The following CYB5R4 variants were observed in gnomAD, a reference collection of about 807,000 sequenced individuals.
CYB5R4 encodes N-terminal cytochrome b5 and cytochrome b5 oxidoreductase domain-containing protein.
In CYB5R4, 55 loss-of-function variants were observed where a neutral mutation model predicts 70.2. The ratio of observed to expected loss-of-function variants is 0.78; its 90% CI spans 0.63 to 0.98. The LOEUF (loss-of-function observed/expected upper bound fraction) is 0.98, where lower values mean the gene tolerates loss of function less well. Ranked by LOEUF, CYB5R4 falls within the 50% of genes least tolerant of loss-of-function variation. CYB5R4 has a pLI of 0.00. For missense variants in CYB5R4, 562 were observed against 612.6 expected, an observed-to-expected ratio of 0.92 and a Z score of 0.87; for synonymous variants, 197 against 199.5, an observed-to-expected ratio of 0.99 and a Z score of 0.11.
intron 14 of CYB5R4, among the ~76,000 whole-genome samples, chr6:83,946,623 G>A: frequency 6.6e-6 from 1 of 152,166 alleles, no homozygotes; most frequent in East Asian, 1.9e-4. Flanking sequence ...AAAAGAGGAA[G>A]TCAAATTATC....
intron 1 of CYB5R4, among the ~76,000 whole-genome samples, chr6:83,860,299 G>A (rs1294396661): frequency 6.6e-6 from 1 of 152,102 alleles, no homozygotes; most frequent in Non-Finnish European, 1.5e-5. Flanking sequence ...TGGCAGTGGC[G>A]ACAGTGACCG....
Position 83,893,487 on chromosome 6 carries a change from C to A in CYB5R4, c.230-35C>A. The A allele has an allele frequency of 2.4e-6, 3 of 1,267,918 alleles. No homozygotes were observed. The South Asian group carries it at 3.8e-5, about 16-fold the overall frequency. The allele number at this position is 1,267,918 out of a possible 1,614,324, so 78.5% of individuals were successfully genotyped here. A position where few individuals can be genotyped will look rare whatever the true frequency, so the allele number is the denominator to read the frequency against. ...TAAGTTTTACAATTTTTGAGAAGTT[C>A]ATTTAGGATATTATTTCTGTTTGCT... is the stretch of plus-strand genomic sequence containing the variant. On this transcript the variant is annotated intron_variant, in intron 2 of 15. Coordinates refer to ENST00000369681, the MANE Select transcript of CYB5R4 (RefSeq NM_016230.4).
At position 83,959,893 on chromosome 6, in the gene CYB5R4, T is replaced by C; in HGVS notation, c.*15T>C. ...TTACAGCATAATGAAGAGCTGTCAT[T>C]GTCCTTTATTCAACTAGTTTATCTA... On this transcript the variant is annotated 3_prime_UTR_variant, in exon 16 of 16. Coordinates refer to ENST00000369681, the MANE Select transcript of CYB5R4 (RefSeq NM_016230.4). 1.3e-6 allele frequency: 2 copies of C among 1,578,584 alleles called. No individual in the cohort carries two copies. The highest frequency in any genetic ancestry group is 1.7e-6 in the Non-Finnish European group (2 of 1,163,030).
rs767595729 is a variant in CYB5R4 at position 83,864,177 on chromosome 6, A to G, written c.78A>G (p.Val26=). 1 of 1,551,282 alleles carries G rather than the reference A, an allele frequency of 6.4e-7. No homozygotes were observed. The highest frequency in any genetic ancestry group is 1.2e-5 in the South Asian group (1 of 81,092). The stretch of plus-strand genomic sequence containing the variant: ...ATTCTTCCTTTTTCCATTTTTAGGT[A>G]CCTTTAAAACAGGGCAGAAGCCTTA... ...QRVASGGRSK[V]PLKQGRSLMD... is the part of the protein sequence containing the mutation. The change falls in exon 2 of 16, where the codon GTA becomes GTG. Residue 26 remains valine, a splice_region_variant and synonymous_variant. Coordinates refer to ENST00000369681, the MANE Select transcript of CYB5R4 (RefSeq NM_016230.4).
intron 1 of CYB5R4, among the ~76,000 whole-genome samples, chr6:83,860,061 C>G (rs976713551): frequency 1.3e-5 from 2 of 152,156 alleles, no homozygotes; most frequent in Non-Finnish European, 2.9e-5. Context: ...CTAGCAGTCC[C>G]TCTTCTTTCT....
intron 2 of CYB5R4, among the ~76,000 whole-genome samples, chr6:83,888,308 T>G (rs1380782888): frequency 6.6e-6 from 1 of 152,188 alleles, no homozygotes; most frequent in African/African-American, 2.4e-5. Context: ...ATACCTTGTT[T>G]TATTGTGCTT....
chr6:83,951,204 T>C (rs1470056735), intron 14 of CYB5R4, among the ~76,000 whole-genome samples: 1 of 152,182 alleles, frequency 6.6e-6, no homozygotes. Flanking sequence ...CAATTCTCTG[T>C]TATTTGACAT....
At chr6:83,861,224 G>C (rs1184669343) in intron 1 of CYB5R4, among the ~76,000 whole-genome samples, 1 of 152,190 alleles carries the variant, frequency 6.6e-6, no homozygotes, top group African/African-American at 2.4e-5. Flanking sequence ...CACAGGGGGC[G>C]ATGGCAAAGG....
chr6:83,904,960 C>G (rs1379387848), intron 3 of CYB5R4, among the ~76,000 whole-genome samples: 1 of 150,668 alleles, frequency 6.6e-6, no homozygotes, highest in East Asian at 1.9e-4. Flanking sequence ...TATTTCCTTG[C>G]TTTTTCATGT....
At chr6:83,945,306 T>C (rs965198576) in intron 14 of CYB5R4, among the ~76,000 whole-genome samples, 1 of 152,192 alleles carries the variant, frequency 6.6e-6, no homozygotes, top group African/African-American at 2.4e-5. Context: ...CTGAACAACC[T>C]GCTCTTGAAT....
chr6:83,954,494 A>G (rs759464006), intron 14 of CYB5R4, among the ~76,000 whole-genome samples: 19 of 152,250 alleles, frequency 1.2e-4, no homozygotes, highest in Non-Finnish European at 2.2e-4. Context: ...TCACCTAGAC[A>G]ATGAACATAG....
chr6:83,863,130 A>G lies in CYB5R4; in HGVS notation c.76-1045A>G, dbSNP rs188660003. ...TACTAATAATACTTCTCGTCTGAAAACTTTGAAAATGTGTTTTATAAAACA... is the reference window on the plus strand; with the variant it reads ...TACTAATAATACTTCTCGTCTGAAAGCTTTGAAAATGTGTTTTATAAAACA... On this transcript the variant is annotated intron_variant, in intron 1 of 15. Transcript: ENST00000369681. Among the ~76,000 whole-genome samples, 16 of 152,312 alleles carry G rather than the reference A, an allele frequency of 1.1e-4. No homozygotes were observed. In the East Asian group the frequency reaches 3.1e-3, roughly 29 times the overall value.
rs2099473438 is a variant in CYB5R4 at position 83,962,109 on chromosome 6, C to T, written c.*2231C>T. 1 of 152,168 alleles carries T rather than the reference C, an allele frequency of 6.6e-6. No individual in the cohort carries two copies. The allele number at this position is 152,168 out of a possible 1,614,324, so 9.4% of individuals were successfully genotyped here. A position where few individuals can be genotyped will look rare whatever the true frequency, so the allele number is the denominator to read the frequency against. On this transcript the variant is annotated 3_prime_UTR_variant, in exon 16 of 16. Coordinates refer to ENST00000369681, the MANE Select transcript of CYB5R4 (RefSeq NM_016230.4). ...TACTTCCTGCATACCACCCCACCATCCACCTAGTAAGCCATTCTAGAACTA... is the reference window on the plus strand; with the variant it reads ...TACTTCCTGCATACCACCCCACCATTCACCTAGTAAGCCATTCTAGAACTA...
intron 4 of CYB5R4, chr6:83,910,335 A>T: frequency 1.7e-6 from 1 of 576,770 alleles, no homozygotes; most frequent in Non-Finnish European, 3.1e-6. Flanking sequence ...CTGATAGGGG[A>T]GAAGTAAGAC....
Position 83,859,736 on chromosome 6 carries a change from C to G in CYB5R4, c.-47C>G, listed in dbSNP as rs764605798. On this transcript the variant is annotated 5_prime_UTR_variant, in exon 1 of 16. Transcript: ENST00000369681. ...CAGAGCCGGAGCTGGAGGTGCTGTC[C>G]CGTCTGGCGGCGATCCCCGGGCAGG... 8 of 1,599,340 alleles carry G rather than the reference C, an allele frequency of 5.0e-6. No homozygotes were observed. Among genetic ancestry groups the G allele is most frequent in the Non-Finnish European group, 6.8e-6 (8 of 1,170,096 alleles).
At chr6:83,888,583 T>G (rs1327445827) in intron 2 of CYB5R4, among the ~76,000 whole-genome samples, 2 of 152,126 alleles carry the variant, frequency 1.3e-5, no homozygotes, top group Non-Finnish European at 2.9e-5. Flanking sequence ...GACAAATGTA[T>G]ATGTTCTCAC....
chr6:83,901,646 G>C (rs1220813360), intron 3 of CYB5R4, among the ~76,000 whole-genome samples: 1 of 151,480 alleles, frequency 6.6e-6, no homozygotes, highest in Non-Finnish European at 1.5e-5. Flanking sequence ...TTTCTTGGAG[G>C]CTTTGTTCAT....
chr6:83,939,024 C>T (rs1276643675), intron 12 of CYB5R4, among the ~76,000 whole-genome samples: 1 of 151,782 alleles, frequency 6.6e-6, no homozygotes, highest in South Asian at 2.1e-4. Context: ...TTAGTAGAGA[C>T]GGGGTTTCTC....
At chr6:83,889,582 A>G (rs1477252569) in intron 2 of CYB5R4, among the ~76,000 whole-genome samples, 1 of 152,108 alleles carries the variant, frequency 6.6e-6, no homozygotes. Flanking sequence ...TCAAATTACT[A>G]CTCATTGACA....
Sources: gnomAD v4.1 joint callset for allele counts (sites outside exome capture counted in the v4.1 genomes callset) on GRCh38, gnomAD v4.1.1 for gene constraint, MANE v1.5 for transcripts, NCBI Gene and HGNC (gene_info 2026-07-23, HGNC 2026-07-21) for gene names.